Variants in SLC41A2 observed in about 807,000 individuals in gnomAD.
SLC41A2 encodes SLC41A1-like 1.
SLC41A2 carries 32 observed loss-of-function variants against 58.3 expected under a neutral mutation model. The observed-to-expected ratio is 0.55, with a 90% CI of 0.41 to 0.74. The LOEUF (loss-of-function observed/expected upper bound fraction) is 0.74. Ranked by LOEUF, SLC41A2 falls within the 30% of genes least tolerant of loss-of-function variation. The pLI, the probability that SLC41A2 is intolerant of heterozygous loss-of-function variation, is 0.00. For synonymous variants in SLC41A2, 190 were observed against 235.0 expected, an observed-to-expected ratio of 0.81 and a Z score of 1.75; for missense variants, 514 against 680.6, an observed-to-expected ratio of 0.76 and a Z score of 2.72.
At chr12:104,885,029 T>C (rs1435423601) in intron 6 of SLC41A2, among the ~76,000 whole-genome samples, 1 of 152,080 alleles carries the variant, frequency 6.6e-6, no homozygotes, top group Admixed American at 6.5e-5. Flanking sequence ...CATAACCCAC[T>C]TCCTGTGCTT....
At chr12:104,868,568 G>C (rs1017600869) in intron 6 of SLC41A2, among the ~76,000 whole-genome samples, 1 of 151,838 alleles carries the variant, frequency 6.6e-6, no homozygotes, top group Non-Finnish European at 1.5e-5. Context: ...AGTTTAACTT[G>C]ACCCAGCAAT....
intron 10 of SLC41A2, among the ~76,000 whole-genome samples, chr12:104,817,589 TCTC>T (rs2041464425): frequency 6.6e-6 from 1 of 152,016 alleles, no homozygotes; most frequent in Non-Finnish European, 1.5e-5. Flanking sequence ...TTTCTTTGCC[TCTC>T]CTCTTTTTTT....
At chr12:104,941,894 G>T (rs1427733757) in intron 1 of SLC41A2, among the ~76,000 whole-genome samples, 1 of 152,162 alleles carries the variant, frequency 6.6e-6, no homozygotes, top group Non-Finnish European at 1.5e-5. Flanking sequence ...TTTAAAAAGT[G>T]AAAAATAATT....
intron 10 of SLC41A2, among the ~76,000 whole-genome samples, chr12:104,829,008 G>A (rs1391605999): frequency 6.6e-6 from 1 of 152,168 alleles, no homozygotes; most frequent in Admixed American, 6.5e-5. Context: ...ACAATACTAG[G>A]TGATAGCAAG....
intron 2 of SLC41A2, among the ~76,000 whole-genome samples, chr12:104,918,553 C>A (rs2046434473): frequency 7.1e-6 from 1 of 141,534 alleles, no homozygotes; most frequent in African/African-American, 2.7e-5. Context: ...TAGAGTGTTA[C>A]TTAGTTTTTG....
intron 4 of SLC41A2, among the ~76,000 whole-genome samples, chr12:104,889,532 T>G (rs750839445): frequency 1.2e-4 from 19 of 152,230 alleles, no homozygotes; most frequent in Non-Finnish European, 2.4e-4. Flanking sequence ...GAGGTAGTGC[T>G]GGCAAGAGAT....
chr12:104,866,350 C>A, intron 7 of SLC41A2, 82 bp downstream of exon 7: 2 of 1,408,532 alleles, frequency 1.4e-6, no homozygotes, highest in South Asian at 2.0e-5. Flanking sequence ...TACATATATG[C>A]TTATAGAAGA....
intron 1 of SLC41A2, among the ~76,000 whole-genome samples, chr12:104,933,658 G>T (rs2047152557): frequency 6.6e-6 from 1 of 151,386 alleles, no homozygotes; most frequent in Non-Finnish European, 1.5e-5. Flanking sequence ...CAATGAATTA[G>T]AGGATAAAGA....
chr12:104,846,718 G>A (rs565979824), intron 8 of SLC41A2, among the ~76,000 whole-genome samples: 1 of 152,292 alleles, frequency 6.6e-6, no homozygotes, highest in East Asian at 1.9e-4. Context: ...CAGGCTGCAG[G>A]CATACAGCCC....
intron 1 of SLC41A2, among the ~76,000 whole-genome samples, chr12:104,940,526 A>G (rs1014262090): frequency 3.1e-4 from 24 of 77,860 alleles, no homozygotes; most frequent in Non-Finnish European, 9.4e-5. Flanking sequence ...AAAATAAAAT[A>G]TAAGCTAAAA....
intron 10 of SLC41A2, among the ~76,000 whole-genome samples, chr12:104,825,988 CA>C (rs2041830408): frequency 6.6e-6 from 1 of 152,150 alleles, no homozygotes; most frequent in Non-Finnish European, 1.5e-5. Context: ...CAGCACCTGC[CA>C]AGGTCACCAG....
At chr12:104,859,169 T>G (rs1183713910) in intron 8 of SLC41A2, among the ~76,000 whole-genome samples, 1 of 152,100 alleles carries the variant, frequency 6.6e-6, no homozygotes, top group East Asian at 1.9e-4. Context: ...ATGAAAAAAT[T>G]GCGCATGTCT....
intron 7 of SLC41A2, among the ~76,000 whole-genome samples, chr12:104,866,222 T>C (rs527676244): frequency 9.2e-5 from 14 of 152,312 alleles, no homozygotes; most frequent in African/African-American, 3.4e-4. Flanking sequence ...CTGATTTCAT[T>C]AATTATGCCT....
chr12:104,857,095 G>T (rs973650080), intron 8 of SLC41A2, among the ~76,000 whole-genome samples: 1 of 152,100 alleles, frequency 6.6e-6, no homozygotes, highest in Non-Finnish European at 1.5e-5. Flanking sequence ...TAAGTAAAAC[G>T]TATTTCAAAA....
intron 10 of SLC41A2, among the ~76,000 whole-genome samples, chr12:104,840,643 C>G (rs758422940): frequency 3.3e-5 from 5 of 152,168 alleles, no homozygotes; most frequent in Non-Finnish European, 5.9e-5. Flanking sequence ...TGGGCAAGAA[C>G]ATGAATAGAG....
chr12:104,818,704 C>T (rs1170868284), intron 10 of SLC41A2, among the ~76,000 whole-genome samples: 1 of 151,968 alleles, frequency 6.6e-6, no homozygotes, highest in Non-Finnish European at 1.5e-5. Flanking sequence ...TGGTGAAACC[C>T]CATCTCTACT....
intron 1 of SLC41A2, among the ~76,000 whole-genome samples, chr12:104,955,614 A>G (rs2048134311): frequency 1.3e-5 from 2 of 151,766 alleles, no homozygotes; most frequent in Non-Finnish European, 2.9e-5. Context: ...CCCTTTACCT[A>G]TCACAATGGT....
chr12:104,943,043 C>G (rs1304116810), intron 1 of SLC41A2, among the ~76,000 whole-genome samples: 1 of 152,078 alleles, frequency 6.6e-6, no homozygotes, highest in African/African-American at 2.4e-5. Context: ...GCAAAACCCA[C>G]TCAAGGACCA....
chr12:104,817,359 A>G (rs1460040289), intron 10 of SLC41A2, among the ~76,000 whole-genome samples: 1 of 152,230 alleles, frequency 6.6e-6, no homozygotes, highest in Non-Finnish European at 1.5e-5. Flanking sequence ...ACTAATGTAG[A>G]CATTAAAAAT....
Sources: gnomAD v4.1 joint callset for allele counts (sites outside exome capture counted in the v4.1 genomes callset) on GRCh38, gnomAD v4.1.1 for gene constraint, MANE v1.5 for transcripts, NCBI Gene and HGNC (gene_info 2026-07-23, HGNC 2026-07-21) for gene names.